The following NEK1 variants were observed in gnomAD, a reference collection of about 807,000 sequenced individuals.
NEK1 encodes NIMA related kinase 1.
In NEK1, 137 loss-of-function variants were observed where a neutral mutation model predicts 182.1. The observed-to-expected ratio is 0.75, with a 90% CI of 0.65 to 0.87. NEK1 has a LOEUF of 0.87. NEK1 is among the 40% of genes least tolerant of loss of function. The pLI is 0.00. For synonymous variants in NEK1, 513 were observed against 492.2 expected (o/e 1.04, Z -0.56); for missense variants, 1,391 against 1,494.4 (o/e 0.93, Z 1.14).
intron 26 of NEK1, among the ~76,000 whole-genome samples, chr4:169,472,146 T>C (rs958924971): frequency 2.0e-4 from 30 of 151,508 alleles, no homozygotes; most frequent in African/African-American, 7.3e-4. Flanking sequence ...GCATTCCAGG[T>C]GCCACTGAGG....
At chr4:169,404,834 G>A (rs1732306591) in intron 32 of NEK1, among the ~76,000 whole-genome samples, 1 of 151,798 alleles carries the variant, frequency 6.6e-6, no homozygotes, top group African/African-American at 2.4e-5. Context: ...ACAATCTAAG[G>A]GGTTATCACT....
At chr4:169,408,998 T>C (rs757528652) in intron 31 of NEK1, among the ~76,000 whole-genome samples, 10 of 152,228 alleles carry the variant, frequency 6.6e-5, no homozygotes, top group Non-Finnish European at 1.0e-4. Context: ...AGTGGTGGGA[T>C]TGCTGGATCG....
chr4:169,477,438 A>T lies in NEK1; in HGVS notation c.2199T>A (p.Ala733=), dbSNP rs780309602. 2.9e-5 allele frequency: 46 copies of T among 1,604,232 alleles called. No individual in the cohort carries two copies. Among genetic ancestry groups the T allele is most frequent in the Non-Finnish European group, 3.7e-5 (44 of 1,175,576 alleles). The change falls in exon 25 of 36, where the codon GCT becomes GCA. Residue 733 remains alanine (A), a synonymous_variant. Transcript: ENST00000507142. ...TSEEMQKTNN[A]ISSKREILRR... is the part of the protein sequence containing the mutation. The stretch of plus-strand genomic sequence containing the variant: ...CTTTGAAAATTTTACTTACTGAAAT[A>T]GCATTGTTGGTCTTTTGCATCTCTT...
At chr4:169,511,847 T>C (rs998618715) in intron 19 of NEK1, among the ~76,000 whole-genome samples, 2 of 152,178 alleles carry the variant, frequency 1.3e-5, no homozygotes, top group South Asian at 2.1e-4. Flanking sequence ...AATTTCTATA[T>C]AGACTCACAA....
chr4:169,397,713 C>T (rs78641502), intron 35 of NEK1, among the ~76,000 whole-genome samples: 3,562 of 152,170 alleles, frequency 0.023, 53 homozygotes, highest in Non-Finnish European at 0.036. Flanking sequence ...ATTCTTGGTC[C>T]TTTGCAGGGG....
rs374005919 is a variant in NEK1 at position 169,537,892 on chromosome 4, C to T, written c.1582G>A (p.Val528Ile). Residue 528 changes from valine (V) to isoleucine (I), a missense_variant, in exon 19 of 36, where the codon GTA becomes ATA. Around this residue, in one of 5 missense-constraint regions of NEK1, gnomAD observed 1,216 missense variants for 1,277.6 expected, o/e 0.95. Transcript: ENST00000507142. ...NANRQKGQLAVERAKQVEEFL... is the reference protein window; with the variant it reads ...NANRQKGQLAIERAKQVEEFL... ...TCTTCTACTTGTTTAGCTCTTTCTA[C>T]AGCTAGCTGCCCTTTTTGCCTAATT... 21 of 1,603,990 alleles carry T rather than the reference C, an allele frequency of 1.3e-5. No homozygotes were observed. Among genetic ancestry groups the T allele is most frequent in the Non-Finnish European group, 1.7e-5 (20 of 1,174,600 alleles).
chr4:169,465,126 T>C (rs1744678967), intron 26 of NEK1, among the ~76,000 whole-genome samples: 1 of 152,092 alleles, frequency 6.6e-6, no homozygotes, highest in Admixed American at 6.6e-5. Context: ...TAATAATTAG[T>C]TTCATACAGC....
rs183257261 is a variant in NEK1, at chr4:169,484,375, T to C, written c.2008-4841A>G. ...ATTTCGATACATCAATCTGACACGA[T>C]TTCTGTGAGAAGACAAATCCACAAT... On this transcript the variant is annotated intron_variant, in intron 23 of 35. Coordinates refer to ENST00000507142, the MANE Select transcript of NEK1 (RefSeq NM_001199397.3). 3.3e-3 allele frequency among the ~76,000 whole-genome samples: 496 copies of C among 152,308 alleles called. 3 individuals carry two copies. The highest frequency in any genetic ancestry group is 0.011 in the African/African-American group (450 of 41,564).
chr4:169,608,742 G>A (rs1446009195), intron 2 of NEK1, among the ~76,000 whole-genome samples: 6 of 152,220 alleles, frequency 3.9e-5, no homozygotes, highest in Admixed American at 1.3e-4. Context: ...AATGTGCCAC[G>A]ATACCCAATC....
chr4:169,552,824 CATT>C lies in NEK1; in HGVS notation c.1562+2893_1562+2895del, dbSNP rs1416124360. On this transcript the variant is annotated intron_variant, in intron 18 of 35. Transcript: ENST00000507142. Reference sequence around the variant, plus strand: ...CAAGTAGAATTTGAAATTAAAAACACATTATCACTTTCATTAGCACCCCCCAAC... The same window carrying C: ...CAAGTAGAATTTGAAATTAAAAACACATCACTTTCATTAGCACCCCCCAAC... Among the ~76,000 whole-genome samples, 3 of 152,046 alleles carry C rather than the reference CATT, an allele frequency of 2.0e-5. No individual in the cohort carries two copies. The East Asian group carries it at 5.8e-4, about 29-fold the overall frequency.
chr4:169,405,591 T>C (rs1465630856), intron 32 of NEK1, among the ~76,000 whole-genome samples: 1 of 152,160 alleles, frequency 6.6e-6, no homozygotes, highest in African/African-American at 2.4e-5. Context: ...GTCCAGGAGT[T>C]GGAGGCTGCA....
intron 10 of NEK1, among the ~76,000 whole-genome samples, chr4:169,584,988 C>T (rs531423243): frequency 7.9e-5 from 12 of 152,252 alleles, no homozygotes; most frequent in Non-Finnish European, 1.6e-4. Context: ...GAGTTCCAGA[C>T]AAGCCTGAAT....
At chr4:169,399,113 G>T (rs1489598834) in intron 35 of NEK1, among the ~76,000 whole-genome samples, 1 of 151,802 alleles carries the variant, frequency 6.6e-6, no homozygotes, top group Non-Finnish European at 1.5e-5. Flanking sequence ...GCCAGGCATG[G>T]TAGCACCTGT....
At chr4:169,596,214 T>C (rs1561481646) in intron 5 of NEK1, among the ~76,000 whole-genome samples, 1 of 152,182 alleles carries the variant, frequency 6.6e-6, no homozygotes, top group Non-Finnish European at 1.5e-5. Flanking sequence ...TCAAAGATTC[T>C]TTATGAAAAT....
chr4:169,578,255 GAGTCTACATAA>G (rs1298326291), intron 11 of NEK1, among the ~76,000 whole-genome samples: 2 of 151,974 alleles, frequency 1.3e-5, no homozygotes, highest in Admixed American at 1.3e-4. Context: ...AGTCAGAGTA[GAGTCTACATAA>G]ACCCTTATTG....
At chr4:169,566,940 CAAA>C (rs1763783437) in intron 12 of NEK1, among the ~76,000 whole-genome samples, 1 of 151,922 alleles carries the variant, frequency 6.6e-6, no homozygotes. Context: ...CCCGTCTCTA[CAAA>C]AAATAGCTGG....
intron 19 of NEK1, among the ~76,000 whole-genome samples, chr4:169,532,283 T>A (rs1168000619): frequency 1.3e-5 from 2 of 152,218 alleles, no homozygotes; most frequent in South Asian, 2.1e-4. Context: ...GGCTCTTGTA[T>A]GGTAGCCTGG....
Position 169,599,208 on chromosome 4 carries a change from T to C in NEK1, c.215-11A>G, listed in dbSNP as rs777402057. Reference sequence around the variant, plus strand: ...AGAGAGAGCCATTTTCTACAAAATATAAACATTACAGTCCACTTTTAAAAA... The same window carrying C: ...AGAGAGAGCCATTTTCTACAAAATACAAACATTACAGTCCACTTTTAAAAA... On this transcript the variant is annotated splice_polypyrimidine_tract_variant and intron_variant, in intron 4 of 35. Coordinates refer to ENST00000507142, the MANE Select transcript of NEK1 (RefSeq NM_001199397.3). The C allele has an allele frequency of 1.3e-6, 2 of 1,569,136 alleles. No homozygotes were observed. The highest frequency in any genetic ancestry group is 1.7e-4 in the Middle Eastern group (1 of 5,984).
At chr4:169,440,903 A>G (rs768238057) in intron 27 of NEK1, among the ~76,000 whole-genome samples, 1 of 152,202 alleles carries the variant, frequency 6.6e-6, no homozygotes, top group Non-Finnish European at 1.5e-5. Context: ...CAGCTGCAAC[A>G]TGGTGCCACT....
Sources: gnomAD v4.1 joint callset for allele counts (sites outside exome capture counted in the v4.1 genomes callset) on GRCh38, gnomAD v4.1.1 for gene constraint, gnomAD v4.1.1 regional missense constraint, MANE v1.5 for transcripts, NCBI Gene and HGNC (gene_info 2026-07-23, HGNC 2026-07-21) for gene names.